CTSD: variants seen among roughly 807,000 people sequenced by gnomAD.
The protein encoded by CTSD is cathepsin D.
A neutral mutation model predicts 43.6 loss-of-function variants in CTSD; 28 were observed. The observed-to-expected ratio is 0.64, with a 90% CI of 0.48 to 0.88. CTSD has a LOEUF of 0.88. CTSD is among the 40% of genes least tolerant of loss of function. CTSD has a pLI of 0.00. For synonymous variants in CTSD, 270 were observed against 249.8 expected (o/e 1.08, Z -0.76); for missense variants, 485 against 555.2 (o/e 0.87, Z 1.27).
chr11:1,758,437 G>A (rs1194836371), intron 4 of CTSD, among the ~76,000 whole-genome samples: 1 of 152,080 alleles, frequency 6.6e-6, no homozygotes, highest in Non-Finnish European at 1.5e-5. Flanking sequence ...CCTCTCCTAG[G>A]GCAGGGAGTT....
chr11:1,757,246 G>A, intron 5 of CTSD, 78 bp downstream of exon 5: 1 of 1,174,548 alleles, frequency 8.5e-7, no homozygotes, highest in African/African-American at 1.5e-5. Flanking sequence ...GCACTGAGAG[G>A]GGGTGCCTAG....
In CTSD at chr11:1,754,010, G is replaced by C. The variant is rs373170074; in HGVS notation, c.956C>G (p.Pro319Arg). Residue 319 changes from proline (P) to arginine (R), a missense_variant, in exon 7 of 9, where the codon CCG (proline) becomes CGG (arginine). Coordinates refer to ENST00000236671, the MANE Select transcript of CTSD (RefSeq NM_001909.5). ...RELQKAIGAV[P>R]LIQGEYMIPC... ...GGCGCTCACCTCGCCCTGAATCAGCGGCACGGCCCCGATGGCCTTCTGCAG... is the reference window on the plus strand; with the variant it reads ...GGCGCTCACCTCGCCCTGAATCAGCCGCACGGCCCCGATGGCCTTCTGCAG... 1 of 1,599,178 alleles carries C rather than the reference G, an allele frequency of 6.3e-7. No homozygotes were observed. The highest frequency in any genetic ancestry group is 1.1e-5 in the South Asian group (1 of 90,384).
intron 5 of CTSD, among the ~76,000 whole-genome samples, chr11:1,755,584 T>G (rs887400325): frequency 6.6e-6 from 1 of 152,158 alleles, no homozygotes; most frequent in Non-Finnish European, 1.5e-5. Flanking sequence ...AGGAGCGCAC[T>G]GCACTTCCTA....
At chr11:1,756,525 G>A (rs573926910) in intron 5 of CTSD, among the ~76,000 whole-genome samples, 1 of 152,344 alleles carries the variant, frequency 6.6e-6, no homozygotes, top group East Asian at 1.9e-4. Context: ...GCCCCTGTCA[G>A]CCCTGGAGAG....
At chr11:1,754,801 A>G (rs1170086340) in intron 6 of CTSD, 105 bp downstream of exon 6, 2 of 1,498,760 alleles carry the variant, frequency 1.3e-6, no homozygotes, top group Non-Finnish European at 1.8e-6. Flanking sequence ...AGCTCCCACT[A>G]CTCCCCACAT....
chr11:1,754,885 C>A (rs1845791050), intron 6 of CTSD, 21 bp downstream of exon 6: 1 of 1,613,404 alleles, frequency 6.2e-7, no homozygotes, highest in African/African-American at 1.3e-5. Flanking sequence ...CCCAGGGGAG[C>A]CGACTGCAGC....
Position 1,753,221 on chromosome 11 carries a change from T to C in CTSD, c.*282A>G. The C allele has an allele frequency of 2.0e-6, 1 of 505,382 alleles. No homozygotes were observed. The highest frequency in any genetic ancestry group is 3.6e-6 in the Non-Finnish European group (1 of 276,370). 31.3% of individuals were successfully genotyped at this position (505,382 alleles called of 1,614,324 possible). ...GGATACACGAGCTCGGCTGCCAAGC[T>C]TGGGTGGGGTCTTCCAATGCACGAA... On this transcript the variant is annotated 3_prime_UTR_variant, in exon 9 of 9. Transcript: ENST00000236671.
chr11:1,760,560 T>C (rs7122341), intron 2 of CTSD: 45,133 of 152,524 alleles, frequency 0.3, 8,250 homozygotes, highest in African/African-American at 0.51. Flanking sequence ...TCCATGTGTG[T>C]GTGTGCATGT....
intron 1 of CTSD, chr11:1,763,534 C>T (rs886943809): frequency 1.9e-5 from 9 of 478,166 alleles, no homozygotes; most frequent in Non-Finnish European, 3.0e-5. Context: ...CTGCAGTCCT[C>T]AAGGTACAAC....
chr11:1,753,761 G>A lies in CTSD; in HGVS notation c.1071+42C>T, dbSNP rs765358707. The A allele has an allele frequency of 1.0e-4, 163 of 1,608,316 alleles. 1 individual carries two copies. The highest frequency in any genetic ancestry group is 6.6e-4 in the Middle Eastern group (4 of 6,052). On this transcript the variant is annotated intron_variant, in intron 8 of 8. Coordinates refer to ENST00000236671, the MANE Select transcript of CTSD (RefSeq NM_001909.5). ...CACCTGGAGCGTGCGCCCCCTCACCGCCCGCTCACCTGGGGCGTGCGGCAC... is the reference window on the plus strand; with the variant it reads ...CACCTGGAGCGTGCGCCCCCTCACCACCCGCTCACCTGGGGCGTGCGGCAC...
rs754147413 is a variant in CTSD, at chr11:1,759,009, G to A, written c.431C>T (p.Ser144Leu). ...GCTCAGGTACCCGGAGAGGCTGCCC[G>A]AGCCATAGTGGATGTCAAACGAGGT... ...NGTSFDIHYG[S>L]GSLSGYLSQD... The change falls in exon 4 of 9, where the codon TCG becomes TTG. Residue 144 changes from serine to leucine, a missense_variant. Physicochemically the swap from Ser to Leu is moderately radical, Grantham distance 145. Coordinates refer to ENST00000236671, the MANE Select transcript of CTSD (RefSeq NM_001909.5). 7.4e-6 allele frequency: 12 copies of A among 1,614,002 alleles called. No homozygotes were observed. The highest frequency in any genetic ancestry group is 2.2e-5 in the East Asian group (1 of 44,878).
intron 1 of CTSD, among the ~76,000 whole-genome samples, chr11:1,763,300 C>T (rs765795547): frequency 2.8e-4 from 43 of 152,188 alleles, no homozygotes; most frequent in Non-Finnish European, 5.9e-4. Context: ...GGTCTCCCAG[C>T]CCAGGGCCTG....
At position 1,761,351 on chromosome 11, in the gene CTSD, C is replaced by A; in HGVS notation, c.186G>T (p.Val62=). ...VSKYSQAVPA[V]TEGPIPEVLK... ...GCACCTCGGGAATGGGCCCCTCGGT[C>A]ACGGCTGGCACCGCCTGGGAGTACT... The change falls in exon 2 of 9, where the codon GTG becomes GTT. Residue 62 remains valine (V), a synonymous_variant. Coordinates refer to ENST00000236671, the MANE Select transcript of CTSD (RefSeq NM_001909.5). 6.2e-7 allele frequency: 1 copy of A among 1,613,828 alleles called. No individual in the cohort carries two copies. The highest frequency in any genetic ancestry group is 1.1e-5 in the South Asian group (1 of 91,074).
chr11:1,759,152 CA>C, intron 3 of CTSD, 65 bp from the exon 4 acceptor site: 1 of 1,234,580 alleles, frequency 8.1e-7, no homozygotes, highest in Non-Finnish European at 1.2e-6. Flanking sequence ...TTAGCCCTCC[CA>C]TCCCCCTACA....
chr11:1,756,542 G>A (rs1845811649), intron 5 of CTSD, among the ~76,000 whole-genome samples: 1 of 152,206 alleles, frequency 6.6e-6, no homozygotes, highest in African/African-American at 2.4e-5. Context: ...AGAGTGTGGG[G>A]CAGTGACCAG....
In CTSD at chr11:1,761,353, C is replaced by A. The variant is rs756892066; in HGVS notation, c.184G>T (p.Val62Leu). 2 of 1,613,858 alleles carry A rather than the reference C, an allele frequency of 1.2e-6. No homozygotes were observed. The highest frequency in any genetic ancestry group is 1.7e-5 in the Admixed American group (1 of 60,036). ...ACCTCGGGAATGGGCCCCTCGGTCA[C>A]GGCTGGCACCGCCTGGGAGTACTTT... Reference protein sequence around the residue: ...VSKYSQAVPAVTEGPIPEVLK... With the variant: ...VSKYSQAVPALTEGPIPEVLK... Residue 62 changes from valine to leucine, a missense_variant, in exon 2 of 9, where the codon GTG becomes TTG. Physicochemically the swap from Val to Leu is conservative, Grantham distance 32. Transcript: ENST00000236671.
chr11:1,756,128 T>C (rs1358792902), intron 5 of CTSD, among the ~76,000 whole-genome samples: 2 of 150,122 alleles, frequency 1.3e-5, no homozygotes, highest in African/African-American at 2.5e-5. Flanking sequence ...CTCCCCCACA[T>C]GGGCACTCAT....
intron 8 of CTSD, 53 bp downstream of exon 8, chr11:1,753,750 G>A (rs1487374861): frequency 2.4e-5 from 38 of 1,606,108 alleles, no homozygotes; most frequent in Non-Finnish European, 2.8e-5. Flanking sequence ...TGGAGCGTGC[G>A]CCCCCTCACC....
chr11:1,754,815 A>G lies in CTSD; in HGVS notation c.827+91T>C, dbSNP rs1167063264. 10 of 1,569,478 alleles carry G rather than the reference A, an allele frequency of 6.4e-6. No homozygotes were observed. In the African/African-American group the frequency reaches 8.1e-5, roughly 13 times the overall value. On this transcript the variant is annotated intron_variant, in intron 6 of 8. Coordinates refer to ENST00000236671, the MANE Select transcript of CTSD (RefSeq NM_001909.5). ...CAGCTCCCACTACTCCCCACATGCA[A>G]CCCCCACCTGCAGAACCGGGGTCCT...
Sources: allele counts gnomAD v4.1 joint callset (sites outside exome capture counted in the v4.1 genomes callset), GRCh38; gene constraint gnomAD v4.1.1; transcripts MANE v1.5; gene names NCBI Gene and HGNC (gene_info 2026-07-23, HGNC 2026-07-21).